Variants in FUOM observed in about 807,000 individuals in gnomAD.
The protein encoded by FUOM is protein fucU homolog.
In FUOM, 19 loss-of-function variants were observed where a neutral mutation model predicts 18.3. The ratio of observed to expected loss-of-function variants is 1.04; its 90% CI spans 0.73 to 1.53. FUOM has a LOEUF of 1.53. Ranked by LOEUF, FUOM falls within the 40% of genes most tolerant of loss-of-function variation. The probability of loss-of-function intolerance (pLI) is 0.00; values close to 1 mark genes in which losing one functional copy is unlikely to be tolerated. For synonymous variants in FUOM, 102 were observed against 87.9 expected (o/e 1.16, Z -0.90); for missense variants, 210 against 200.9 (o/e 1.04, Z -0.27).
chr10:133,355,268 C>T lies in FUOM; in HGVS notation c.*102G>A. 7.3e-7 allele frequency: 1 copy of T among 1,366,852 alleles called. No individual in the cohort carries two copies. Among genetic ancestry groups the T allele is most frequent in the Non-Finnish European group, 9.8e-7 (1 of 1,016,440 alleles). 84.7% of individuals were successfully genotyped at this position (1,366,852 alleles called of 1,614,324 possible). A position where few individuals can be genotyped will look rare whatever the true frequency, so the allele number is the denominator to read the frequency against. ...CCGGCCCCTAGAGCCCTGGCCAGGG[C>T]CCAGGTCTGGGAGCTGCCACTGGGA... On this transcript the variant is annotated 3_prime_UTR_variant, in exon 6 of 6. Transcript: ENST00000278025.
chr10:133,357,890 G>A (rs1848863135), intron 1 of FUOM, 33 bp downstream of exon 1: 2 of 1,503,688 alleles, frequency 1.3e-6, no homozygotes, highest in South Asian at 1.2e-5. Flanking sequence ...CTGTCCCGGG[G>A]TGCTCCCCGA....
In FUOM at chr10:133,355,411, TGAG is replaced by T. The variant is rs1564796792; in HGVS notation, c.421_423del (p.Leu141del). On this transcript the variant is annotated inframe_deletion, in exon 6 of 6. Coordinates refer to ENST00000278025, the MANE Select transcript of FUOM (RefSeq NM_001098483.3). Reference sequence around the variant, plus strand: ...AGGGCAAGCACCCCCTTCCTGAGGATGAGGTTTCCGTAGAGGGCCGTCTCCCTG... The same window carrying T: ...AGGGCAAGCACCCCCTTCCTGAGGATGTTTCCGTAGAGGGCCGTCTCCCTG... 1 of 1,609,496 alleles carries T rather than the reference TGAG, an allele frequency of 6.2e-7. No homozygotes were observed.
At chr10:133,356,533 G>A (rs1848805470) in intron 4 of FUOM, 107 bp downstream of exon 4, 9 of 796,468 alleles carry the variant, frequency 1.1e-5, no homozygotes, top group Non-Finnish European at 1.5e-5. Flanking sequence ...ATGGGTGGGA[G>A]ACCACTTGAG....
rs1301334961 is a variant in FUOM, at chr10:133,356,817, G to A, written c.226-79C>T. The A allele has an allele frequency of 2.1e-6, 3 of 1,444,446 alleles. No individual in the cohort carries two copies. The African/African-American group carries it at 4.2e-5, about 20-fold the overall frequency. The allele number at this position is 1,444,446 out of a possible 1,614,324, so 89.5% of individuals were successfully genotyped here. A position where few individuals can be genotyped will look rare whatever the true frequency, so the allele number is the denominator to read the frequency against. ...GGTGACCATTCGGGACTCCCCTGGT[G>A]AGGGTCAGGGCCCCTTTGGGGACAC... On this transcript the variant is annotated intron_variant, in intron 3 of 5. Coordinates refer to ENST00000278025, the MANE Select transcript of FUOM (RefSeq NM_001098483.3).
chr10:133,354,183 G>A (rs1340188949), downstream of FUOM, among the ~76,000 whole-genome samples: 3 of 152,152 alleles, frequency 2.0e-5, no homozygotes, highest in Non-Finnish European at 2.9e-5. Context: ...GCCACGACGC[G>A]GCCATCGGGT....
rs1248953765 is a variant in FUOM, at chr10:133,357,017, G to C, written c.155-4C>G. The C allele has an allele frequency of 1.9e-6, 3 of 1,549,814 alleles. No individual in the cohort carries two copies. In the South Asian group the frequency reaches 3.6e-5, roughly 18 times the overall value. The stretch of plus-strand genomic sequence containing the variant: ...AGGAGCTGCGGGATGCCCAGGCCTG[G>C]AGGGCAGAGGAGGCAGCACTCAGTC... On this transcript the variant is annotated splice_polypyrimidine_tract_variant and splice_region_variant and intron_variant, in intron 2 of 5. Coordinates refer to ENST00000278025, the MANE Select transcript of FUOM (RefSeq NM_001098483.3).
At chr10:133,356,545 A>T in intron 4 of FUOM, 95 bp downstream of exon 4, 1 of 961,328 alleles carries the variant, frequency 1.0e-6, no homozygotes, top group Non-Finnish European at 1.5e-6. Flanking sequence ...CCACTTGAGG[A>T]CAGAGCTTGG....
downstream of FUOM, among the ~76,000 whole-genome samples, chr10:133,354,239 G>A (rs950579730): frequency 3.9e-5 from 6 of 152,174 alleles, no homozygotes; most frequent in Admixed American, 6.5e-5. Context: ...GGCCCCTGGG[G>A]CCAAGGCTGA....
chr10:133,355,908 G>A (rs1564797495), intron 4 of FUOM, 97 bp from the exon 5 acceptor site: 2 of 1,002,892 alleles, frequency 2.0e-6, no homozygotes, highest in Non-Finnish European at 3.1e-6. Context: ...GAGGGCACCA[G>A]GAAGTGGGGT....
downstream of FUOM, among the ~76,000 whole-genome samples, chr10:133,353,467 C>G (rs1173591528): frequency 6.6e-6 from 1 of 152,190 alleles, no homozygotes; most frequent in Non-Finnish European, 1.5e-5. Flanking sequence ...GAGCCACACA[C>G]ATTTGCCAGC....
downstream of FUOM, among the ~76,000 whole-genome samples, chr10:133,354,479 G>T (rs1848731571): frequency 1.3e-5 from 2 of 152,154 alleles, no homozygotes; most frequent in South Asian, 4.1e-4. Context: ...CCAGGCCCTG[G>T]GGGAAGCCCC....
At chr10:133,354,182 C>T (rs116226099), downstream of FUOM, among the ~76,000 whole-genome samples, 1,492 of 152,284 alleles carry the variant, frequency 9.8e-3, 28 homozygotes, top group African/African-American at 0.034. Context: ...GGCCACGACG[C>T]GGCCATCGGG....
intron 1 of FUOM, 188 bp from the exon 2 acceptor site, chr10:133,357,443 G>T (rs1210198165): frequency 3.1e-6 from 2 of 651,650 alleles, no homozygotes; most frequent in Non-Finnish European, 5.6e-6. Context: ...GCGGGGAGGT[G>T]GGGAGGGCAA....
downstream of FUOM, among the ~76,000 whole-genome samples, chr10:133,352,919 G>C (rs1435155202): frequency 1.3e-5 from 2 of 152,212 alleles, no homozygotes; most frequent in African/African-American, 4.8e-5. Flanking sequence ...GCCCTGCCTA[G>C]GAGAATCAAG....
downstream of FUOM, among the ~76,000 whole-genome samples, chr10:133,353,839 A>G (rs1011315814): frequency 6.6e-6 from 1 of 152,066 alleles, no homozygotes; most frequent in Non-Finnish European, 1.5e-5. Context: ...TGAGGGATCA[A>G]CACGCTCAGG....
At chr10:133,354,750 G>T (rs1848735307), downstream of FUOM, among the ~76,000 whole-genome samples, 1 of 152,022 alleles carries the variant, frequency 6.6e-6, no homozygotes. Context: ...TCCCCTGCCT[G>T]CCAGGGCAAG....
Position 133,355,815 on chromosome 10 carries a change from G to C in FUOM, c.325-4C>G, listed in dbSNP as rs762625456. 1.7e-5 allele frequency: 27 copies of C among 1,612,420 alleles called. No homozygotes were observed. The highest frequency in any genetic ancestry group is 1.4e-5 in the Non-Finnish European group (16 of 1,179,626). The stretch of plus-strand genomic sequence containing the variant: ...TCTCTATCTTTGCCAGGGCTCTCTG[G>C]AAGACAAAATGGCAGGGTTGGAGGG... On this transcript the variant is annotated splice_region_variant and splice_polypyrimidine_tract_variant and intron_variant, in intron 4 of 5. Coordinates refer to ENST00000278025, the MANE Select transcript of FUOM (RefSeq NM_001098483.3).
chr10:133,356,569 T>G, intron 4 of FUOM, 71 bp downstream of exon 4: 1 of 1,224,350 alleles, frequency 8.2e-7, no homozygotes, highest in Middle Eastern at 2.0e-4. Context: ...CCTCTGTCTT[T>G]GGCTCCTCCT....
rs1848872330 is a variant in FUOM at position 133,358,019 on chromosome 10, C to G, written c.-12G>C. On this transcript the variant is annotated 5_prime_UTR_variant, in exon 1 of 6. Transcript: ENST00000278025. Reference sequence around the variant, plus strand: ...TTCAGCGCCACCATGGCCCGGCAGACGGGGCGGGCGGGGCCTAGGGGCGGG... The same window carrying G: ...TTCAGCGCCACCATGGCCCGGCAGAGGGGGCGGGCGGGGCCTAGGGGCGGG... 1 of 1,367,534 alleles carries G rather than the reference C, an allele frequency of 7.3e-7. No individual in the cohort carries two copies. The highest frequency in any genetic ancestry group is 2.4e-5 in the Admixed American group (1 of 41,772). The allele number at this position is 1,367,534 out of a possible 1,614,324, so 84.7% of individuals were successfully genotyped here. A position where few individuals can be genotyped will look rare whatever the true frequency, so the allele number is the denominator to read the frequency against.
Sources: allele counts gnomAD v4.1 joint callset (sites outside exome capture counted in the v4.1 genomes callset), GRCh38; gene constraint gnomAD v4.1.1; transcripts MANE v1.5; gene names NCBI Gene and HGNC (gene_info 2026-07-23, HGNC 2026-07-21).